UTRN: variants seen among roughly 807,000 people sequenced by gnomAD.
UTRN encodes utrophin.
UTRN carries 283 observed loss-of-function variants against 463.9 expected under a neutral mutation model. The observed-to-expected ratio is 0.61, with a 90% CI of 0.55 to 0.67. UTRN has a LOEUF of 0.67. Ranked by LOEUF, UTRN falls within the 30% of genes least tolerant of loss-of-function variation. The pLI, the probability that UTRN is intolerant of heterozygous loss-of-function variation, is 0.00. For synonymous variants in UTRN, 1,442 were observed against 1,431.5 expected, an observed-to-expected ratio of 1.01 and a Z score of -0.17; for missense variants, 3,922 against 4,084.3, an observed-to-expected ratio of 0.96 and a Z score of 1.08.
rs752801021 is a variant in UTRN at position 144,542,910 on chromosome 6, C to A, written c.6595+40C>A. 52 of 1,557,254 alleles carry A rather than the reference C, an allele frequency of 3.3e-5. No homozygotes were observed. In the African/African-American group the frequency reaches 5.7e-4, roughly 17 times the overall value. ...TCTTTAACAAAGTTTTTTAAAAAAT[C>A]AGTATGTAAAATTTTGTGATATGAG... On this transcript the variant is annotated intron_variant, in intron 46 of 74. Transcript: ENST00000367545.
intron 9 of UTRN, among the ~76,000 whole-genome samples, chr6:144,434,127 G>A (rs1344533322): frequency 2.6e-5 from 4 of 152,346 alleles, no homozygotes; most frequent in East Asian, 1.9e-4. Flanking sequence ...GATCACTCGC[G>A]GTCAGGAGCT....
chr6:144,600,716 T>G (rs1040876297), intron 51 of UTRN, among the ~76,000 whole-genome samples: 2 of 152,238 alleles, frequency 1.3e-5, no homozygotes, highest in African/African-American at 4.8e-5. Context: ...ATCCAGAAGA[T>G]GGAGCTAAGA....
At chr6:144,462,031 G>A (rs984537896) in intron 22 of UTRN, among the ~76,000 whole-genome samples, 1 of 152,032 alleles carries the variant, frequency 6.6e-6, no homozygotes, top group African/African-American at 2.4e-5. Flanking sequence ...GCATCCATTA[G>A]CTCTTCTTCC....
chr6:144,730,447 G>A lies in UTRN; in HGVS notation c.7900G>A (p.Ala2634Thr). ...TTTCTTGGCTGATCAGCCAATTGAG[G>A]CCCCTGAAGAGCCAAGAAGAAACCT... ...RVFLADQPIE[A>T]PEEPRRNLQS... Residue 2634 changes from alanine (A) to threonine (T), a missense_variant, in exon 54 of 75, where the codon GCC becomes ACC. By Grantham distance (58) the Ala-to-Thr change is moderately conservative. Coordinates refer to ENST00000367545, the MANE Select transcript of UTRN (RefSeq NM_007124.3). 3 of 1,610,664 alleles carry A rather than the reference G, an allele frequency of 1.9e-6. No homozygotes were observed. The highest frequency in any genetic ancestry group is 1.7e-6 in the Non-Finnish European group (2 of 1,178,182).
intron 53 of UTRN, 41 bp from the exon 54 acceptor site, chr6:144,730,316 A>C (rs776798147): frequency 3.3e-6 from 5 of 1,527,000 alleles, no homozygotes; most frequent in Non-Finnish European, 3.5e-6. Context: ...TTTGGTGAAC[A>C]CGTGAGGTTA....
At chr6:144,324,295 T>G (rs554662230) in intron 2 of UTRN, among the ~76,000 whole-genome samples, 4 of 152,206 alleles carry the variant, frequency 2.6e-5, no homozygotes, top group Non-Finnish European at 5.9e-5. Context: ...TAAGTCTGCA[T>G]CGAGGTCCCC....
intron 29 of UTRN, among the ~76,000 whole-genome samples, chr6:144,487,933 C>T (rs537902215): frequency 6.6e-6 from 1 of 152,154 alleles, no homozygotes; most frequent in Admixed American, 6.5e-5. Context: ...CTTCTACTTA[C>T]AAACATTTAA....
chr6:144,518,648 A>C (rs944425938), intron 39 of UTRN, among the ~76,000 whole-genome samples: 1 of 152,126 alleles, frequency 6.6e-6, no homozygotes, highest in Middle Eastern at 3.2e-3. Flanking sequence ...TTTCTTCCCT[A>C]ATGCTTCTCC....
At chr6:144,377,904 T>C (rs930970537) in intron 2 of UTRN, among the ~76,000 whole-genome samples, 1 of 152,212 alleles carries the variant, frequency 6.6e-6, no homozygotes, top group Non-Finnish European at 1.5e-5. Flanking sequence ...TATAAAACAC[T>C]GAGCTTTGGA....
At chr6:144,365,195 C>T in intron 2 of UTRN, among the ~76,000 whole-genome samples, 1 of 152,176 alleles carries the variant, frequency 6.6e-6, no homozygotes, top group South Asian at 2.1e-4. Context: ...GGATAATTCT[C>T]CAATCATTCC....
At chr6:144,495,185 G>A (rs578144635) in intron 33 of UTRN, among the ~76,000 whole-genome samples, 14 of 152,260 alleles carry the variant, frequency 9.2e-5, no homozygotes, top group African/African-American at 2.2e-4. Context: ...GGGAGTGGGC[G>A]CCGTGGAGCA....
intron 2 of UTRN, among the ~76,000 whole-genome samples, chr6:144,349,161 A>C (rs1209428391): frequency 6.6e-6 from 1 of 152,128 alleles, no homozygotes; most frequent in Non-Finnish European, 1.5e-5. Flanking sequence ...GGCGCCCGCC[A>C]TCACGCCCGG....
rs190054502 is a variant in UTRN, at chr6:144,646,597, C to A, written c.7480-31809C>A. Among the ~76,000 whole-genome samples, 18 of 152,162 alleles carry A rather than the reference C, an allele frequency of 1.2e-4. No homozygotes were observed. The East Asian group carries it at 1.4e-3, about 11-fold the overall frequency. ...TGAGGCATTTTTTCACTTCACCATG[C>A]CAACATTCCTTTATTCCCTATCATA... On this transcript the variant is annotated intron_variant, in intron 51 of 74. Coordinates refer to ENST00000367545, the MANE Select transcript of UTRN (RefSeq NM_007124.3).
At chr6:144,794,022 T>C in intron 63 of UTRN, 31 bp downstream of exon 63, 1 of 1,609,108 alleles carries the variant, frequency 6.2e-7, no homozygotes. Context: ...GTGTGTAGGA[T>C]GTGTTGGCGA....
At chr6:144,581,549 A>T (rs1801966723) in intron 51 of UTRN, among the ~76,000 whole-genome samples, 1 of 152,138 alleles carries the variant, frequency 6.6e-6, no homozygotes, top group Non-Finnish European at 1.5e-5. Context: ...GACTTTGATT[A>T]TAGATTGTTT....
At chr6:144,795,360 G>A (rs1777119697) in intron 63 of UTRN, among the ~76,000 whole-genome samples, 1 of 152,178 alleles carries the variant, frequency 6.6e-6, no homozygotes. Flanking sequence ...ATAGTAGAAT[G>A]ATTTATAATC....
intron 55 of UTRN, 146 bp from the exon 56 acceptor site, chr6:144,751,660 G>A (rs1230623533): frequency 2.0e-5 from 13 of 665,802 alleles, no homozygotes; most frequent in Non-Finnish European, 3.0e-5. Context: ...AAAAATCTGT[G>A]CATAAATGGA....
intron 54 of UTRN, among the ~76,000 whole-genome samples, chr6:144,736,175 T>C (rs901125251): frequency 1.3e-5 from 2 of 152,250 alleles, no homozygotes; most frequent in African/African-American, 4.8e-5. Context: ...ATAGCTTTTA[T>C]ACTTTTGTTG....
intron 52 of UTRN, among the ~76,000 whole-genome samples, chr6:144,683,466 A>G (rs2128686959): frequency 6.6e-6 from 1 of 151,872 alleles, no homozygotes; most frequent in South Asian, 2.1e-4. Flanking sequence ...GAGGCAATCC[A>G]CCTCCCAGGC....
Sources: gnomAD v4.1 joint callset for allele counts (sites outside exome capture counted in the v4.1 genomes callset) on GRCh38, gnomAD v4.1.1 for gene constraint, MANE v1.5 for transcripts, NCBI Gene and HGNC (gene_info 2026-07-23, HGNC 2026-07-21) for gene names.